The following BCR variants were observed in gnomAD, a reference collection of about 807,000 sequenced individuals.
BCR encodes the protein BCR activator of RhoGEF and GTPase, also known as breakpoint cluster region protein.
In BCR, 58 loss-of-function variants were observed where a neutral mutation model predicts 138.6. The ratio of observed to expected loss-of-function variants is 0.42; its 90% confidence interval spans 0.34 to 0.52. The LOEUF is 0.52. Ranked by LOEUF, BCR falls within the 20% of genes least tolerant of loss-of-function variation. BCR has a pLI of 0.06. For synonymous variants in BCR, 786 were observed against 730.1 expected (o/e 1.08, Z -1.23); for missense variants, 1,599 against 1,727.2 (o/e 0.93, Z 1.32).
At chr22:23,209,199 A>T (rs2072651807) in intron 1 of BCR, among the ~76,000 whole-genome samples, 1 of 151,848 alleles carries the variant, frequency 6.6e-6, no homozygotes, top group Non-Finnish European at 1.5e-5. Context: ...CTCTACTAAA[A>T]ATACAAAAAA....
In BCR at chr22:23,181,792, C is replaced by G. The variant is rs750915522; in HGVS notation, c.832C>G (p.Pro278Ala). 3.1e-6 allele frequency: 5 copies of G among 1,608,804 alleles called. No homozygotes were observed. The African/African-American group carries it at 6.7e-5, about 21-fold the overall frequency. The change falls in exon 1 of 23, where the codon CCC becomes GCC. Residue 278 changes from proline (P) to alanine (A), a missense_variant. Physicochemically the swap from Pro to Ala is conservative, Grantham distance 27 (BLOSUM62 -1). Around this residue, in one of 4 missense-constraint regions of BCR, gnomAD observed 806 missense variants for 635.0 expected, o/e 1.27. Coordinates refer to ENST00000305877, the MANE Select transcript of BCR (RefSeq NM_004327.4). Reference sequence around the variant, plus strand: ...CCCTTGGCCGCCCCTGGAGTACCAGCCCTACCAGAGCATCTACGTCGGGGG... The same window carrying G: ...CCCTTGGCCGCCCCTGGAGTACCAGGCCTACCAGAGCATCTACGTCGGGGG... Reference protein sequence around the residue: ...RPPWPPLEYQPYQSIYVGGMM... With the variant: ...RPPWPPLEYQAYQSIYVGGMM...
chr22:23,218,752 T>C (rs2072786344), intron 1 of BCR, among the ~76,000 whole-genome samples: 1 of 152,224 alleles, frequency 6.6e-6, no homozygotes, highest in Non-Finnish European at 1.5e-5. Context: ...CTGGTTCGCC[T>C]GCCCTCCGAT....
At chr22:23,210,508 A>C (rs2146219194) in intron 1 of BCR, among the ~76,000 whole-genome samples, 1 of 152,162 alleles carries the variant, frequency 6.6e-6, no homozygotes, top group Admixed American at 6.5e-5. Context: ...ATTCAGGTGT[A>C]ATTTACAGAC....
rs773271701 is a variant in BCR, at chr22:23,295,167, A to G, written c.3012+12A>G. On this transcript the variant is annotated intron_variant, in intron 16 of 22. Transcript: ENST00000305877. ...AGGGCCAGGTCCAGGTGAGGCAGCC[A>G]TCCCTACCCTCCCCTGCCCGATGCA... The G allele has an allele frequency of 4.3e-6, 7 of 1,613,088 alleles. No individual in the cohort carries two copies. The African/African-American group carries it at 8.0e-5, about 18-fold the overall frequency.
intron 13 of BCR, 88 bp from the exon 14 acceptor site, chr22:23,290,251 G>A (rs754660445): frequency 5.6e-5 from 75 of 1,344,040 alleles, no homozygotes; most frequent in African/African-American, 1.5e-4. Flanking sequence ...AGTGTCCACC[G>A]GATGGTTGAT....
chr22:23,278,484 T>C (rs546504168), intron 8 of BCR, among the ~76,000 whole-genome samples: 37 of 152,266 alleles, frequency 2.4e-4, no homozygotes, highest in African/African-American at 8.4e-4. Flanking sequence ...CCCAGCACTT[T>C]GGGAGGCCGA....
chr22:23,208,438 A>G (rs191692961), intron 1 of BCR, among the ~76,000 whole-genome samples: 1 of 152,246 alleles, frequency 6.6e-6, no homozygotes, highest in East Asian at 1.9e-4. Context: ...ATCAAGGTAA[A>G]ATACATGTAA....
chr22:23,237,398 G>A (rs1416899304), intron 1 of BCR, among the ~76,000 whole-genome samples: 1 of 152,228 alleles, frequency 6.6e-6, no homozygotes, highest in African/African-American at 2.4e-5. Flanking sequence ...GGGAGTAACA[G>A]GTGGGATCTG....
intron 15 of BCR, among the ~76,000 whole-genome samples, chr22:23,292,890 G>A (rs2073804459): frequency 6.6e-6 from 1 of 152,228 alleles, no homozygotes; most frequent in African/African-American, 2.4e-5. Flanking sequence ...TTTGGAAAGA[G>A]ACTTAAAAAG....
At chr22:23,245,820 A>G (rs971719808) in intron 1 of BCR, among the ~76,000 whole-genome samples, 3 of 151,982 alleles carry the variant, frequency 2.0e-5, no homozygotes, top group Admixed American at 1.3e-4. Flanking sequence ...AAAAAAAAAA[A>G]TTGAGGTAAA....
At chr22:23,290,544 C>A in intron 14 of BCR, 131 bp downstream of exon 14, 1 of 933,162 alleles carries the variant, frequency 1.1e-6, no homozygotes, top group Admixed American at 1.8e-5. Flanking sequence ...TGACCCTGGC[C>A]GCTGTGGAGT....
At chr22:23,201,614 T>C (rs1390646225) in intron 1 of BCR, among the ~76,000 whole-genome samples, 3 of 152,142 alleles carry the variant, frequency 2.0e-5, no homozygotes, top group Admixed American at 2.0e-4. Context: ...CCCACCACCA[T>C]GCCCGGCTAA....
intron 1 of BCR, among the ~76,000 whole-genome samples, chr22:23,208,873 C>T (rs1417176496): frequency 6.6e-6 from 1 of 151,802 alleles, no homozygotes; most frequent in East Asian, 2.0e-4. Context: ...CCAAAAAAAG[C>T]TTCTGGACTC....
intron 8 of BCR, among the ~76,000 whole-genome samples, chr22:23,276,814 C>G (rs753021654): frequency 2.6e-5 from 4 of 152,236 alleles, no homozygotes; most frequent in Non-Finnish European, 4.4e-5. Flanking sequence ...GCCAGATGGG[C>G]GAAGCCCCGT....
chr22:23,188,313 A>G (rs2072373145), intron 1 of BCR, among the ~76,000 whole-genome samples: 1 of 152,250 alleles, frequency 6.6e-6, no homozygotes, highest in Non-Finnish European at 1.5e-5. Context: ...TCACTGAAGA[A>G]GGAGCTGGGA....
rs2073767667 is a variant in BCR at position 23,290,066 on chromosome 22, C to T, written c.2708-273C>T. 7.2e-6 allele frequency: 4 copies of T among 553,044 alleles called. No individual in the cohort carries two copies. The African/African-American group carries it at 7.6e-5, about 10-fold the overall frequency. The allele number at this position is 553,044 out of a possible 1,614,324, so 34.3% of individuals were successfully genotyped here. On this transcript the variant is annotated intron_variant, in intron 13 of 22. Coordinates refer to ENST00000305877, the MANE Select transcript of BCR (RefSeq NM_004327.4). The stretch of plus-strand genomic sequence containing the variant: ...TGTCCACACACACCCCACCCACATC[C>T]CACATCACCCCGACCCCCTCTGCTG...
chr22:23,208,930 C>T (rs1417217499), intron 1 of BCR, among the ~76,000 whole-genome samples: 1 of 152,208 alleles, frequency 6.6e-6, no homozygotes, highest in Non-Finnish European at 1.5e-5. Flanking sequence ...AACCACTGTT[C>T]TACTTTCTGT....
rs757563933 is a variant in BCR at position 23,181,015 on chromosome 22, G to C, written c.55G>C (p.Glu19Gln). ...GTGGAAGGCGCAGTTCCCGGACTCA[G>C]AGCCCCCGCGCATGGAGCTGCGCTC... ...EAWKAQFPDS[E>Q]PPRMELRSVG... The change falls in exon 1 of 23, where the codon GAG (glutamate) becomes CAG (glutamine). Residue 19 changes from glutamate to glutamine, a missense_variant. This residue lies in a region of BCR where 806 missense variants were observed against 635.0 expected (regional missense o/e 1.27). Coordinates refer to ENST00000305877, the MANE Select transcript of BCR (RefSeq NM_004327.4). The C allele has an allele frequency of 2.7e-6, 4 of 1,490,446 alleles. No individual in the cohort carries two copies. The highest frequency in any genetic ancestry group is 2.7e-6 in the Non-Finnish European group (3 of 1,111,058). The allele number at this position is 1,490,446 out of a possible 1,614,324, so 92.3% of individuals were successfully genotyped here.
chr22:23,247,685 G>A (rs1041764601), intron 1 of BCR, among the ~76,000 whole-genome samples: 1 of 152,182 alleles, frequency 6.6e-6, no homozygotes, highest in Admixed American at 6.5e-5. Flanking sequence ...CTGCCTGGCT[G>A]TACCCAGGCA....
Sources: allele counts gnomAD v4.1 joint callset (sites outside exome capture counted in the v4.1 genomes callset), GRCh38; gene constraint gnomAD v4.1.1; regional missense constraint gnomAD v4.1.1; transcripts MANE v1.5; gene names NCBI Gene and HGNC (gene_info 2026-07-23, HGNC 2026-07-21).